Variants in EYS observed in about 807,000 individuals in gnomAD.
The protein encoded by EYS is protein eyes shut homolog.
EYS carries 250 observed loss-of-function variants against 282.1 expected under a neutral mutation model. The observed-to-expected ratio is 0.89, with a 90% CI of 0.80 to 0.98. The LOEUF (loss-of-function observed/expected upper bound fraction) is 0.98, where lower values mean the gene tolerates loss of function less well. Ranked by LOEUF, EYS falls within the 50% of genes least tolerant of loss-of-function variation. The pLI, the probability that EYS is intolerant of heterozygous loss-of-function variation, is 0.00. For missense variants in EYS, 4,016 were observed against 3,709.0 expected, an observed-to-expected ratio of 1.08 and a Z score of -2.15; for synonymous variants, 1,355 against 1,282.9, an observed-to-expected ratio of 1.06 and a Z score of -1.20.
In EYS at chr6:64,584,980, A is replaced by T. The variant is rs1766187216; in HGVS notation, c.5644+5243T>A. 2.0e-5 allele frequency among the ~76,000 whole-genome samples: 3 copies of T among 152,148 alleles called. 1 individual carries two copies. The highest frequency in any genetic ancestry group is 2.0e-4 in the Admixed American group (3 of 15,256). On this transcript the variant is annotated intron_variant, in intron 26 of 42. Coordinates refer to ENST00000503581, the MANE Select transcript of EYS (RefSeq NM_001142800.2). ...ACCCAGCAATATCGTTACTGGATATATACTCAAAATAAAATAGTTTTACTA... is the reference window on the plus strand; with the variant it reads ...ACCCAGCAATATCGTTACTGGATATTTACTCAAAATAAAATAGTTTTACTA...
At chr6:64,708,189 ATTC>A (rs1771096969) in intron 22 of EYS, among the ~76,000 whole-genome samples, 1 of 152,242 alleles carries the variant, frequency 6.6e-6, no homozygotes, top group Admixed American at 6.5e-5. Flanking sequence ...TGACCCAACA[ATTC>A]TTCTAGCTTA....
Position 65,493,611 on chromosome 6 carries a change from T to C in EYS, c.748+1052A>G, listed in dbSNP as rs1475952813. Among the ~76,000 whole-genome samples the C allele has an allele frequency of 2.0e-5, 3 of 152,188 alleles. No individual in the cohort carries two copies. The East Asian group carries it at 5.8e-4, about 29-fold the overall frequency. On this transcript the variant is annotated intron_variant, in intron 4 of 42. Transcript: ENST00000503581. ...CTCCGATGACCCCAGAATCCTCTAG[T>C]ATATTCTCAAGTAGAGAGAGTTTTA...
At chr6:64,952,722 T>C (rs905881324) in intron 14 of EYS, among the ~76,000 whole-genome samples, 3 of 152,084 alleles carry the variant, frequency 2.0e-5, no homozygotes, top group African/African-American at 4.8e-5. Context: ...TTAGATTTTA[T>C]GATACATTTA....
chr6:65,620,650 G>T (rs1211982560), intron 2 of EYS, among the ~76,000 whole-genome samples: 2 of 150,408 alleles, frequency 1.3e-5, no homozygotes, highest in African/African-American at 2.5e-5. Flanking sequence ...ATGTTAGGGT[G>T]TCAATTTTGG....
At chr6:65,266,959 C>T (rs1767771997) in intron 12 of EYS, among the ~76,000 whole-genome samples, 1 of 144,584 alleles carries the variant, frequency 6.9e-6, no homozygotes, top group Non-Finnish European at 1.5e-5. Flanking sequence ...TATATATGCA[C>T]ACACACACAT....
chr6:65,241,162 C>T (rs1767048803), intron 12 of EYS, among the ~76,000 whole-genome samples: 3 of 152,076 alleles, frequency 2.0e-5, no homozygotes, highest in Non-Finnish European at 4.4e-5. Flanking sequence ...TTATTTTTCA[C>T]TGATTCAGTC....
chr6:64,154,187 T>A (rs1346270863), intron 31 of EYS, among the ~76,000 whole-genome samples: 1 of 152,144 alleles, frequency 6.6e-6, no homozygotes, highest in Non-Finnish European at 1.5e-5. Flanking sequence ...ACGCCTGTAA[T>A]CCCAGCACTT....
intron 5 of EYS, among the ~76,000 whole-genome samples, chr6:65,467,534 C>T (rs1020266347): frequency 4.0e-5 from 6 of 151,800 alleles, no homozygotes; most frequent in Non-Finnish European, 5.9e-5. Context: ...CACACACACA[C>T]AAACACTCAT....
chr6:64,728,292 C>T (rs1006317690), intron 22 of EYS, among the ~76,000 whole-genome samples: 2 of 152,044 alleles, frequency 1.3e-5, no homozygotes, highest in Non-Finnish European at 2.9e-5. Flanking sequence ...CTAATAAATA[C>T]TAATAGCTTT....
intron 31 of EYS, among the ~76,000 whole-genome samples, chr6:64,187,983 T>C (rs2150315081): frequency 6.6e-6 from 1 of 152,276 alleles, no homozygotes; most frequent in Middle Eastern, 3.4e-3. Flanking sequence ...ACTGAAAATA[T>C]TTCTGTAACA....
intron 9 of EYS, among the ~76,000 whole-genome samples, chr6:65,349,444 G>A (rs1450148535): frequency 6.6e-6 from 1 of 151,388 alleles, no homozygotes; most frequent in Admixed American, 6.6e-5. Context: ...AATATGAAGA[G>A]TTGAAATCTT....
intron 5 of EYS, among the ~76,000 whole-genome samples, chr6:65,427,339 TG>T (rs1289319945): frequency 6.6e-6 from 1 of 152,072 alleles, no homozygotes; most frequent in Non-Finnish European, 1.5e-5. Flanking sequence ...AGAGTCTCCT[TG>T]TGCATGAATA....
intron 31 of EYS, among the ~76,000 whole-genome samples, chr6:64,196,027 G>T (rs1325364930): frequency 6.6e-6 from 1 of 151,972 alleles, no homozygotes; most frequent in African/African-American, 2.4e-5. Flanking sequence ...AATCTACAAT[G>T]AACTCAAACA....
intron 12 of EYS, among the ~76,000 whole-genome samples, chr6:65,101,669 T>C (rs1774895818): frequency 6.6e-6 from 1 of 151,288 alleles, no homozygotes; most frequent in South Asian, 2.1e-4. Flanking sequence ...TGGACCAAAT[T>C]GCAGAGTACC....
intron 22 of EYS, among the ~76,000 whole-genome samples, chr6:64,747,049 A>G (rs1419034929): frequency 6.6e-6 from 1 of 152,204 alleles, no homozygotes; most frequent in Non-Finnish European, 1.5e-5. Context: ...ACCACTCTGC[A>G]GGCCACCCAT....
At position 63,762,695 on chromosome 6, in the gene EYS, T is replaced by C. The variant is rs1398656142; in HGVS notation, c.7899-62A>G. Reference sequence around the variant, plus strand: ...TGTTTAGAGATGGATACATACTATGTATTGCCCTGATGCTAACTTGTCAAT... The same window carrying C: ...TGTTTAGAGATGGATACATACTATGCATTGCCCTGATGCTAACTTGTCAAT... On this transcript the variant is annotated intron_variant, in intron 40 of 42. Transcript: ENST00000503581. 9 of 1,426,590 alleles carry C rather than the reference T, an allele frequency of 6.3e-6. No individual in the cohort carries two copies. The Admixed American group carries it at 1.3e-4, about 20-fold the overall frequency. 88.4% of individuals were successfully genotyped at this position (1,426,590 alleles called of 1,614,324 possible).
chr6:64,803,442 TC>T (rs1392379658), intron 22 of EYS, among the ~76,000 whole-genome samples: 4 of 151,914 alleles, frequency 2.6e-5, no homozygotes, highest in African/African-American at 9.7e-5. Context: ...CATGGTTGGG[TC>T]TGGAAAAAGC....
At chr6:64,022,858 C>T (rs9362378) in intron 33 of EYS, among the ~76,000 whole-genome samples, 37,010 of 152,188 alleles carry the variant, frequency 0.24, 5,555 homozygotes, top group Middle Eastern at 0.34. Context: ...CGCCAACCTT[C>T]TCTTTGTTCT....
At chr6:65,544,490 T>C (rs758591875) in intron 2 of EYS, among the ~76,000 whole-genome samples, 1 of 152,130 alleles carries the variant, frequency 6.6e-6, no homozygotes, top group African/African-American at 2.4e-5. Context: ...ATAGATCTGA[T>C]GGTTTTATAA....
Sources: gnomAD v4.1 joint callset for allele counts (sites outside exome capture counted in the v4.1 genomes callset) on GRCh38, gnomAD v4.1.1 for gene constraint, MANE v1.5 for transcripts, NCBI Gene and HGNC (gene_info 2026-07-23, HGNC 2026-07-21) for gene names.